The following NBPF9 variants were observed in gnomAD, a reference collection of about 807,000 sequenced individuals.
NBPF9 encodes NBPF member 9, also known as NBPF family member NBPF9.
NBPF9 carries 91 observed loss-of-function variants against 97.8 expected under a neutral mutation model. The ratio of observed to expected loss-of-function variants is 0.93; its 90% CI spans 0.79 to 1.11. The LOEUF (loss-of-function observed/expected upper bound fraction) is 1.11. Among genes scored for constraint, NBPF9 ranks in the 50% least tolerant of loss-of-function variants. The pLI is 0.00. For synonymous variants in NBPF9, 334 were observed against 359.5 expected (o/e 0.93, Z 0.80); for missense variants, 992 against 939.5 (o/e 1.06, Z -0.73).
chr1:149,077,597 C>T (rs2080004104), intron 10 of NBPF9, among the ~76,000 whole-genome samples, 178 bp from the exon 11 acceptor site: 1 of 152,178 alleles, frequency 6.6e-6, no homozygotes, highest in African/African-American at 2.4e-5. Context: ...CCATGGCTGC[C>T]ATGGGAGCCA....
chr1:149,072,987 C>T, intron 13 of NBPF9, 55 bp from the exon 14 acceptor site: 1 of 1,568,606 alleles, frequency 6.4e-7, no homozygotes, highest in Non-Finnish European at 8.8e-7. Context: ...GTGATCCGCT[C>T]AAATATTGCA....
intron 1 of NBPF9, among the ~76,000 whole-genome samples, 173 bp from the exon 2 acceptor site, chr1:149,103,020 A>G (rs1240608313): frequency 1.3e-5 from 2 of 151,778 alleles, no homozygotes; most frequent in African/African-American, 4.8e-5. Flanking sequence ...GTGCCCCCGA[A>G]GCTGCTCGTC....
intron 4 of NBPF9, among the ~76,000 whole-genome samples, chr1:149,097,462 C>G (rs2081858609): frequency 6.6e-6 from 1 of 152,152 alleles, no homozygotes; most frequent in Non-Finnish European, 1.5e-5. Flanking sequence ...ACAGTGGATC[C>G]CAGAACACCA....
At chr1:149,084,207 G>A (rs1412206636) in intron 5 of NBPF9, among the ~76,000 whole-genome samples, 16 of 145,332 alleles carry the variant, frequency 1.1e-4, no homozygotes, top group African/African-American at 3.5e-4. Context: ...TGTAAATGAC[G>A]AGTTAATGGG....
chr1:149,099,373 G>A (rs1215699222), intron 3 of NBPF9, among the ~76,000 whole-genome samples: 1 of 152,196 alleles, frequency 6.6e-6, no homozygotes, highest in Non-Finnish European at 1.5e-5. Flanking sequence ...TGACTCTGCT[G>A]TATACAAGCT....
chr1:149,082,825 G>A (rs2080603700), intron 5 of NBPF9, among the ~76,000 whole-genome samples: 1 of 148,170 alleles, frequency 6.7e-6, no homozygotes, highest in African/African-American at 2.5e-5. Context: ...TGTCGCCCAG[G>A]CTGGAGTGCA....
At chr1:149,081,978 T>A in exon 7 of NBPF9, 1 of 1,593,940 alleles carries the variant, frequency 6.3e-7, no homozygotes, top group South Asian at 1.1e-5. Flanking sequence ...ATTTCTTCTG[T>A]CGGTTGGCCA....
exon 30 of NBPF9, chr1:149,055,631 C>T (rs1445700126): frequency 1.2e-6 from 2 of 1,611,652 alleles, no homozygotes; most frequent in Non-Finnish European, 1.7e-6. Context: ...GCAGGAATGA[C>T]ATCTCTCGGC....
chr1:149,078,717 AGC>A (rs2080125360), intron 9 of NBPF9, among the ~76,000 whole-genome samples: 2 of 136,978 alleles, frequency 1.5e-5, no homozygotes, highest in Non-Finnish European at 3.2e-5. Context: ...CACTCCAACA[AGC>A]GCCCTCCCAT....
chr1:149,060,559 C>T, exon 24 of NBPF9: 1 of 377,766 alleles, frequency 2.6e-6, no homozygotes, highest in Non-Finnish European at 4.6e-6. Context: ...TGTTTTTCCT[C>T]CAATGCATAA....
At chr1:149,064,337 C>A (rs1553651097) in intron 19 of NBPF9, 94 bp downstream of exon 19, 1 of 783,760 alleles carries the variant, frequency 1.3e-6, no homozygotes, top group South Asian at 1.5e-5. Flanking sequence ...TCTGACAAGA[C>A]AAAATCATTA....
At chr1:149,067,580 A>G (rs1322999085) in intron 17 of NBPF9, among the ~76,000 whole-genome samples, 12 of 149,452 alleles carry the variant, frequency 8.0e-5, no homozygotes, top group African/African-American at 2.8e-4. Context: ...TTGTCCTTGC[A>G]ATAGTTTGCT....
At chr1:149,086,788 C>T (rs2081037338) in intron 5 of NBPF9, among the ~76,000 whole-genome samples, 2 of 151,970 alleles carry the variant, frequency 1.3e-5, no homozygotes, top group Non-Finnish European at 2.9e-5. Flanking sequence ...CTCTCTTCCT[C>T]CCCAGTTCAT....
chr1:149,076,717 C>T (rs1260738920), intron 11 of NBPF9, among the ~76,000 whole-genome samples: 1 of 148,386 alleles, frequency 6.7e-6, no homozygotes, highest in Non-Finnish European at 1.5e-5. Flanking sequence ...ACCGTGTTAG[C>T]CAGGATGGTC....
exon 22 of NBPF9, chr1:149,062,246 C>A (rs781935981): frequency 6.9e-6 from 6 of 864,640 alleles, no homozygotes; most frequent in Non-Finnish European, 1.2e-5. Flanking sequence ...TCTTTCTCAT[C>A]CAGCAGCTCC....
At chr1:149,062,526 G>A (rs1477625430) in intron 21 of NBPF9, among the ~76,000 whole-genome samples, 2 of 143,572 alleles carry the variant, frequency 1.4e-5, no homozygotes, top group African/African-American at 5.2e-5. Context: ...CTGATGAAGG[G>A]GTCAAAGGAC....
rs1157485051 is a variant in NBPF9, at chr1:149,060,107, A to C, written c.2477-299T>G. 9 of 255,422 alleles carry C rather than the reference A, an allele frequency of 3.5e-5. No homozygotes were observed. The East Asian group carries it at 4.7e-4, about 13-fold the overall frequency. The allele number at this position is 255,422 out of a possible 1,614,324, so 15.8% of individuals were successfully genotyped here. A position where few individuals can be genotyped will look rare whatever the true frequency, so the allele number is the denominator to read the frequency against. The stretch of plus-strand genomic sequence containing the variant: ...CAATCAATTTAAAGCAAATACCCTC[A>C]AATGATTTCTAGGAGAAAAACTGCA... On this transcript the variant is annotated intron_variant, in intron 24 of 29. Coordinates refer to ENST00000584027, the Ensembl canonical transcript of NBPF9.
chr1:149,100,782 A>G (rs1228752219), intron 3 of NBPF9, among the ~76,000 whole-genome samples: 1 of 152,068 alleles, frequency 6.6e-6, no homozygotes, highest in Non-Finnish European at 1.5e-5. Context: ...AAAAGTATGA[A>G]AATTAAGCCA....
chr1:149,081,207 C>A (rs1319206122), intron 7 of NBPF9, among the ~76,000 whole-genome samples: 1 of 152,058 alleles, frequency 6.6e-6, no homozygotes, highest in Non-Finnish European at 1.5e-5. Context: ...GCAACATCTG[C>A]CTGCTGGGTT....
Sources: allele counts gnomAD v4.1 joint callset (sites outside exome capture counted in the v4.1 genomes callset), GRCh38; gene constraint gnomAD v4.1.1; transcripts MANE v1.5; gene names NCBI Gene and HGNC (gene_info 2026-07-23, HGNC 2026-07-21).